MEGF11: variants seen among roughly 807,000 people sequenced by gnomAD.
MEGF11 encodes the protein multiple epidermal growth factor-like domains protein 11.
A neutral mutation model predicts 146.6 loss-of-function variants in MEGF11; 126 were observed. That is an observed-to-expected ratio of 0.86 (90% confidence interval 0.74 to 1.00). The LOEUF (loss-of-function observed/expected upper bound fraction) is 1.00, where lower values mean the gene tolerates loss of function less well. MEGF11 is among the 50% of genes least tolerant of loss of function. MEGF11 has a pLI of 0.00. For synonymous variants in MEGF11, 532 were observed against 583.4 expected (o/e 0.91, Z 1.27); for missense variants, 1,509 against 1,521.2 (o/e 0.99, Z 0.13).
chr15:66,205,743 G>A (rs749111015), intron 1 of MEGF11, among the ~76,000 whole-genome samples: 28 of 152,168 alleles, frequency 1.8e-4, no homozygotes, highest in Non-Finnish European at 3.8e-4. Flanking sequence ...GAGGACAAGC[G>A]GGGAATCTAG....
chr15:65,915,538 G>T lies in MEGF11; in HGVS notation c.2405C>A (p.Ser802Tyr), dbSNP rs748984343. ...GGTGCCGGTGACATGGTCACAGGTGGAGTTGTTCATGCACTCACATAGCTG... is the reference window on the plus strand; with the variant it reads ...GGTGCCGGTGACATGGTCACAGGTGTAGTTGTTCATGCACTCACATAGCTG... Reference protein sequence around the residue: ...CQQLCECMNNSTCDHVTGTCY... With the variant: ...CQQLCECMNNYTCDHVTGTCY... The change falls in exon 19 of 26, where the codon TCC (serine) becomes TAC (tyrosine). Residue 802 changes from serine (S) to tyrosine (Y), a missense_variant. Physicochemically the swap from Ser to Tyr is moderately radical, Grantham distance 144. Transcript: ENST00000395614. The T allele has an allele frequency of 6.2e-7, 1 of 1,613,972 alleles. No homozygotes were observed. The highest frequency in any genetic ancestry group is 1.1e-5 in the South Asian group (1 of 91,074).
chr15:66,223,751 TA>T (rs1053401959), intron 1 of MEGF11, among the ~76,000 whole-genome samples: 66 of 152,008 alleles, frequency 4.3e-4, no homozygotes, highest in African/African-American at 1.6e-3. Context: ...TGAAACAAAA[TA>T]AAAAATAAAA....
At chr15:66,140,756 G>T (rs2089107473) in intron 1 of MEGF11, among the ~76,000 whole-genome samples, 4 of 152,180 alleles carry the variant, frequency 2.6e-5, no homozygotes, top group Admixed American at 2.6e-4. Context: ...AGTGAGGCCG[G>T]TGGGAGGCCA....
At chr15:66,008,402 C>T (rs1481704370) in intron 5 of MEGF11, among the ~76,000 whole-genome samples, 3 of 3,236 alleles carry the variant, frequency 9.3e-4, no homozygotes, top group South Asian at 0.12. Flanking sequence ...CACATGCACA[C>T]GCGCGCGCGC....
chr15:65,976,441 T>TG (rs888971294), intron 7 of MEGF11, among the ~76,000 whole-genome samples: 10 of 152,212 alleles, frequency 6.6e-5, no homozygotes, highest in East Asian at 3.9e-4. Context: ...TGAGGTCATA[T>TG]GGGGGGGCTC....
At chr15:65,963,488 T>TTGGC (rs1489894452) in intron 9 of MEGF11, among the ~76,000 whole-genome samples, 1 of 151,848 alleles carries the variant, frequency 6.6e-6, no homozygotes, top group Non-Finnish European at 1.5e-5. Flanking sequence ...ATCTCTGATA[T>TTGGC]TGGCTATACA....
At chr15:66,079,546 C>CT (rs2085751588) in intron 5 of MEGF11, among the ~76,000 whole-genome samples, 1 of 150,062 alleles carries the variant, frequency 6.7e-6, no homozygotes, top group African/African-American at 2.5e-5. Flanking sequence ...CACCCCCCCC[C>CT]CCAGCACCCC....
chr15:65,985,623 C>T (rs1036713291), intron 5 of MEGF11, among the ~76,000 whole-genome samples: 24 of 152,156 alleles, frequency 1.6e-4, no homozygotes, highest in Admixed American at 9.2e-4. Context: ...CAAAACTAGC[C>T]GCCTGATAAG....
At position 65,897,700 on chromosome 15, in the gene MEGF11, T is replaced by C; in HGVS notation, c.*234A>G. On this transcript the variant is annotated 3_prime_UTR_variant, in exon 26 of 26. Transcript: ENST00000395614. ...GCTGTATCTTAAAATGTTTTAAAAA[T>C]CATATAATCCAGGGCATTTGGGGCT... The C allele has an allele frequency of 2.8e-6, 1 of 360,522 alleles. No homozygotes were observed. The highest frequency in any genetic ancestry group is 4.9e-6 in the Non-Finnish European group (1 of 202,248). 22.3% of individuals were successfully genotyped at this position (360,522 alleles called of 1,614,324 possible). A position where few individuals can be genotyped will look rare whatever the true frequency, so the allele number is the denominator to read the frequency against.
At chr15:65,958,820 T>C (rs1287399095) in intron 9 of MEGF11, among the ~76,000 whole-genome samples, 1 of 152,244 alleles carries the variant, frequency 6.6e-6, no homozygotes. Context: ...TATCTGCTTC[T>C]GGAGCAGCTC....
chr15:65,898,080 C>T lies in MEGF11; in HGVS notation c.3277G>A (p.Val1093Met). 1 of 1,613,590 alleles carries T rather than the reference C, an allele frequency of 6.2e-7. No homozygotes were observed. Among genetic ancestry groups the T allele is most frequent in the South Asian group, 1.1e-5 (1 of 91,016 alleles). ...NIYEVEPTVS[V>M]VQEGCGHNSS... ...TTATGACCGCAACCTTCTTGGACCACACTGACTGTGGGCTCTAAGAAATAT... is the reference window on the plus strand; with the variant it reads ...TTATGACCGCAACCTTCTTGGACCATACTGACTGTGGGCTCTAAGAAATAT... The change falls in exon 26 of 26, where the codon GTG becomes ATG. Residue 1093 changes from valine to methionine, a missense_variant. Transcript: ENST00000395614.
chr15:66,084,540 C>A (rs895164977), intron 5 of MEGF11, among the ~76,000 whole-genome samples: 2 of 152,134 alleles, frequency 1.3e-5, no homozygotes, highest in Non-Finnish European at 2.9e-5. Context: ...CACACCCCCC[C>A]ACTGGAGAGG....
chr15:66,182,969 A>C (rs2141158174), intron 1 of MEGF11, among the ~76,000 whole-genome samples: 1 of 152,338 alleles, frequency 6.6e-6, no homozygotes, highest in African/African-American at 2.4e-5. Flanking sequence ...ACTCACCATC[A>C]GTAAAGAGCC....
intron 5 of MEGF11, among the ~76,000 whole-genome samples, chr15:66,030,115 C>A (rs544781196): frequency 2.6e-5 from 4 of 152,216 alleles, no homozygotes; most frequent in Non-Finnish European, 5.9e-5. Flanking sequence ...GTCCTTCAGG[C>A]TCAAACACCT....
intron 1 of MEGF11, among the ~76,000 whole-genome samples, chr15:66,188,180 T>C (rs1044602638): frequency 6.6e-6 from 1 of 152,006 alleles, no homozygotes; most frequent in African/African-American, 2.4e-5. Context: ...CCAGAGATTG[T>C]CAAATGTCTC....
intron 1 of MEGF11, among the ~76,000 whole-genome samples, chr15:66,161,244 G>A (rs148634635): frequency 6.6e-6 from 1 of 152,194 alleles, no homozygotes. Flanking sequence ...TAATAGCGAT[G>A]AATGTAAGGG....
chr15:65,964,843 C>T, intron 9 of MEGF11, 65 bp downstream of exon 9: 6 of 1,443,210 alleles, frequency 4.2e-6, no homozygotes, highest in Non-Finnish European at 5.6e-6. Context: ...CACATCCTAG[C>T]AAGCCTCCTC....
At chr15:66,106,180 T>A (rs1024052597) in intron 4 of MEGF11, among the ~76,000 whole-genome samples, 1 of 152,064 alleles carries the variant, frequency 6.6e-6, no homozygotes, top group African/African-American at 2.4e-5. Context: ...AGAAAGGAGA[T>A]GGGAAACAAT....
At chr15:66,251,999 C>T (rs139499244) in intron 1 of MEGF11, among the ~76,000 whole-genome samples, 2,737 of 152,324 alleles carry the variant, frequency 0.018, 28 homozygotes, top group Middle Eastern at 0.027. Flanking sequence ...GCAGAGGGAC[C>T]CTCTCCGGAA....
Sources: gnomAD v4.1 joint callset for allele counts (sites outside exome capture counted in the v4.1 genomes callset) on GRCh38, gnomAD v4.1.1 for gene constraint, MANE v1.5 for transcripts, NCBI Gene and HGNC (gene_info 2026-07-23, HGNC 2026-07-21) for gene names.